CHST11: variants seen among roughly 807,000 people sequenced by gnomAD.
CHST11 encodes carbohydrate sulfotransferase 11, also known as C4S-1.
In CHST11, 9 loss-of-function variants were observed where a neutral mutation model predicts 30.4. That is an observed-to-expected ratio of 0.30 (90% confidence interval 0.18 to 0.52). CHST11 has a LOEUF of 0.52. CHST11 is among the 20% of genes least tolerant of loss of function. The probability of loss-of-function intolerance (pLI) is 0.97; values close to 1 mark genes in which losing one functional copy is unlikely to be tolerated. For missense variants in CHST11, 348 were observed against 460.6 expected, an observed-to-expected ratio of 0.76 and a Z score of 2.24; for synonymous variants, 152 against 187.8, an observed-to-expected ratio of 0.81 and a Z score of 1.56.
At chr12:104,592,468 C>T (rs535308415) in intron 1 of CHST11, among the ~76,000 whole-genome samples, 88 of 152,154 alleles carry the variant, frequency 5.8e-4, no homozygotes, top group Non-Finnish European at 9.7e-4. Flanking sequence ...TTTTTTGGGA[C>T]GTCTTTTATA....
chr12:104,520,540 A>G (rs2038065025), intron 1 of CHST11, among the ~76,000 whole-genome samples: 1 of 152,090 alleles, frequency 6.6e-6, no homozygotes, highest in South Asian at 2.1e-4. Context: ...TCAGTCTGCT[A>G]TAGGATAGAT....
chr12:104,638,570 G>A (rs935508499), intron 2 of CHST11, among the ~76,000 whole-genome samples: 1 of 152,146 alleles, frequency 6.6e-6, no homozygotes, highest in African/African-American at 2.4e-5. Context: ...TTTGGGTAGT[G>A]GGCAGGATAG....
intron 2 of CHST11, among the ~76,000 whole-genome samples, chr12:104,736,261 G>A (rs2040300296): frequency 6.6e-6 from 1 of 152,120 alleles, no homozygotes; most frequent in African/African-American, 2.4e-5. Flanking sequence ...CCATGGAGAA[G>A]GAACAGGACA....
intron 2 of CHST11, among the ~76,000 whole-genome samples, chr12:104,606,175 C>CGGG (rs143868527): frequency 1.9e-5 from 2 of 107,064 alleles, no homozygotes; most frequent in African/African-American, 3.8e-5. Flanking sequence ...GGGCGGGGGG[C>CGGG]GGGGGGGGGA....
At chr12:104,517,470 A>ACTT (rs570272213) in intron 1 of CHST11, among the ~76,000 whole-genome samples, 4 of 152,052 alleles carry the variant, frequency 2.6e-5, no homozygotes, top group Non-Finnish European at 4.4e-5. Flanking sequence ...TGCAATCATC[A>ACTT]CTTGTACACC....
At chr12:104,528,586 C>G (rs1592747567) in intron 1 of CHST11, among the ~76,000 whole-genome samples, 2 of 152,306 alleles carry the variant, frequency 1.3e-5, no homozygotes, top group East Asian at 3.9e-4. Flanking sequence ...CCACCTGCCA[C>G]TCTTTAGATA....
At chr12:104,627,808 A>T (rs886565663) in intron 2 of CHST11, among the ~76,000 whole-genome samples, 2 of 150,136 alleles carry the variant, frequency 1.3e-5, no homozygotes, top group Admixed American at 1.3e-4. Context: ...GTGGTGGTGG[A>T]GGATGACAGA....
Position 104,757,261 on chromosome 12 carries a change from A to C in CHST11, c.517A>C (p.Asn173His). ...GAACCAGTACAGCATCCCAGAAATC[A>C]ACCACCGCTTGAAAAGCTACATGAA... is the stretch of plus-strand genomic sequence containing the variant. Reference protein sequence around the residue: ...TLNQYSIPEINHRLKSYMKFL... With the variant: ...TLNQYSIPEIHHRLKSYMKFL... The change falls in exon 3 of 3, where the codon AAC becomes CAC. Residue 173 changes from asparagine to histidine, a missense_variant. Asn to His is a moderately conservative substitution (Grantham distance 68). Transcript: ENST00000303694. The surrounding 1 kb of genome is among the most constrained non-coding windows in gnomAD (Gnocchi z 6.5). 1 of 1,614,008 alleles carries C rather than the reference A, an allele frequency of 6.2e-7. No individual in the cohort carries two copies. The highest frequency in any genetic ancestry group is 8.5e-7 in the Non-Finnish European group (1 of 1,179,994).
rs2040239043 is a variant in CHST11, at chr12:104,729,371, G to A, written c.205-27578G>A. On this transcript the variant is annotated intron_variant, in intron 2 of 2. Transcript: ENST00000303694. This position sits in a 1 kb window ranked among gnomAD's most constrained non-coding sequence, Gnocchi z 4.0. ...GAAGACAGGGGACTTGGCAAATTGTGTAGAGGATGATTGTGAGCCAGTCAT... is the reference window on the plus strand; with the variant it reads ...GAAGACAGGGGACTTGGCAAATTGTATAGAGGATGATTGTGAGCCAGTCAT... 6.6e-6 allele frequency among the ~76,000 whole-genome samples: 1 copy of A among 152,216 alleles called. No homozygotes were observed. The highest frequency in any genetic ancestry group is 6.5e-5 in the Admixed American group (1 of 15,282).
rs1227781490 is a variant in CHST11, at chr12:104,758,771, A to G, written c.*968A>G. ...ACAAATTTACATTTTTCTATGGCCC[A>G]TATTTGAAAACCTCACATTCGGAGC... On this transcript the variant is annotated 3_prime_UTR_variant, in exon 3 of 3. Transcript: ENST00000303694. The G allele has an allele frequency of 1.3e-5, 2 of 152,176 alleles. No homozygotes were observed. Among genetic ancestry groups the G allele is most frequent in the East Asian group, 1.9e-4 (1 of 5,194 alleles). The allele number at this position is 152,176 out of a possible 1,614,324, so 9.4% of individuals were successfully genotyped here.
intron 1 of CHST11, among the ~76,000 whole-genome samples, chr12:104,598,437 A>T (rs10861249): frequency 0.29 from 44,533 of 152,008 alleles, 7,260 homozygotes; most frequent in East Asian, 0.54. Flanking sequence ...TTGTGTGGAA[A>T]TTGTTTATTC....
At chr12:104,619,925 A>C (rs2039144885) in intron 2 of CHST11, among the ~76,000 whole-genome samples, 1 of 152,188 alleles carries the variant, frequency 6.6e-6, no homozygotes, top group Non-Finnish European at 1.5e-5. Context: ...GAAGGACCAA[A>C]TTTGAATGGG....
chr12:104,481,404 C>T (rs749231861), intron 1 of CHST11, among the ~76,000 whole-genome samples: 13 of 152,208 alleles, frequency 8.5e-5, no homozygotes, highest in East Asian at 3.9e-4. Context: ...CAGTTGGGTG[C>T]GCTGGAATAA....
chr12:104,683,757 G>T (rs2039819283), intron 2 of CHST11, among the ~76,000 whole-genome samples: 1 of 152,190 alleles, frequency 6.6e-6, no homozygotes, highest in Non-Finnish European at 1.5e-5. Context: ...GCATTGCCGG[G>T]CAGTGAGTAG....
In CHST11 at chr12:104,676,397, T is replaced by C. The variant is rs1181782075; in HGVS notation, c.204+74406T>C. Reference sequence around the variant, plus strand: ...CCTCAACTCTGCTTCCATTGTCACATCTTTTCTGACTCCGAGTCACTGCCT... The same window carrying C: ...CCTCAACTCTGCTTCCATTGTCACACCTTTTCTGACTCCGAGTCACTGCCT... On this transcript the variant is annotated intron_variant, in intron 2 of 2. Coordinates refer to ENST00000303694, the MANE Select transcript of CHST11 (RefSeq NM_018413.6). This position sits in a 1 kb window ranked among gnomAD's most constrained non-coding sequence, Gnocchi z 4.4. Among the ~76,000 whole-genome samples, 1 of 152,168 alleles carries C rather than the reference T, an allele frequency of 6.6e-6. No homozygotes were observed. Among genetic ancestry groups the C allele is most frequent in the African/African-American group, 2.4e-5 (1 of 41,436 alleles).
chr12:104,482,880 C>T (rs564142549), intron 1 of CHST11, among the ~76,000 whole-genome samples: 6 of 152,248 alleles, frequency 3.9e-5, no homozygotes, highest in East Asian at 3.9e-4. Flanking sequence ...AGTGGCTTCA[C>T]GTCTGAAGTC....
At chr12:104,689,691 A>G (rs2039879871) in intron 2 of CHST11, among the ~76,000 whole-genome samples, 1 of 152,110 alleles carries the variant, frequency 6.6e-6, no homozygotes, top group Non-Finnish European at 1.5e-5. Context: ...AACAATGGAG[A>G]GATTTGGACT....
intron 2 of CHST11, among the ~76,000 whole-genome samples, chr12:104,665,810 C>CTTTT (rs1566029057): frequency 2.6e-5 from 3 of 115,858 alleles, no homozygotes; most frequent in African/African-American, 9.9e-5. Context: ...CTCTCTCTGT[C>CTTTT]TCTTTTTTTT....
At chr12:104,659,114 G>C (rs974364756) in intron 2 of CHST11, among the ~76,000 whole-genome samples, 1 of 152,250 alleles carries the variant, frequency 6.6e-6, no homozygotes, top group African/African-American at 2.4e-5. Context: ...TCAGAGGAAT[G>C]GGTTCTAACA....
Sources: gnomAD v4.1 joint callset for allele counts (sites outside exome capture counted in the v4.1 genomes callset) on GRCh38, gnomAD v4.1.1 for gene constraint, Gnocchi (gnomAD v3.1) non-coding constraint, MANE v1.5 for transcripts, NCBI Gene and HGNC (gene_info 2026-07-23, HGNC 2026-07-21) for gene names.